The following PTPRN2 variants were observed in gnomAD, a reference collection of about 807,000 sequenced individuals.
PTPRN2 encodes the protein protein tyrosine phosphatase receptor type N2.
A neutral mutation model predicts 118.8 loss-of-function variants in PTPRN2; 74 were observed. That is an observed-to-expected ratio of 0.62 (90% CI 0.52 to 0.76). The LOEUF (loss-of-function observed/expected upper bound fraction) is 0.76, where lower values mean the gene tolerates loss of function less well. Among genes scored for constraint, PTPRN2 ranks in the 30% least tolerant of loss-of-function variants. PTPRN2 has a pLI of 0.00. For missense variants in PTPRN2, 1,481 were observed against 1,394.4 expected (o/e 1.06, Z -0.99); for synonymous variants, 641 against 608.0 (o/e 1.05, Z -0.80).
At chr7:158,341,339 A>C (rs1378484667) in intron 2 of PTPRN2, among the ~76,000 whole-genome samples, 12 of 150,460 alleles carry the variant, frequency 8.0e-5, no homozygotes, top group African/African-American at 2.5e-4. Flanking sequence ...TCACACCCAC[A>C]CTCTCACCAT....
intron 11 of PTPRN2, among the ~76,000 whole-genome samples, chr7:158,006,591 A>T (rs1418173396): frequency 6.6e-6 from 1 of 152,012 alleles, no homozygotes; most frequent in African/African-American, 2.4e-5. Context: ...CCACAACCTC[A>T]TTTCTTTGCA....
intron 1 of PTPRN2, chr7:158,539,421 G>C (rs1825841110): frequency 1.3e-5 from 2 of 152,314 alleles, no homozygotes; most frequent in Non-Finnish European, 2.9e-5. Flanking sequence ...AGAAATGCAT[G>C]CAAGTGGCTC....
chr7:157,753,494 G>A (rs898964495), intron 12 of PTPRN2, among the ~76,000 whole-genome samples: 5 of 152,236 alleles, frequency 3.3e-5, no homozygotes, highest in African/African-American at 7.2e-5. Flanking sequence ...TTCTCCTCCC[G>A]TCTGGGCCTC....
chr7:158,297,324 A>G (rs964807161), intron 3 of PTPRN2, among the ~76,000 whole-genome samples: 3 of 152,242 alleles, frequency 2.0e-5, no homozygotes, highest in African/African-American at 2.4e-5. Flanking sequence ...TCTGAAATGT[A>G]CCAGAGAAAC....
chr7:158,200,257 G>A (rs1003259315), intron 4 of PTPRN2, among the ~76,000 whole-genome samples: 3 of 152,180 alleles, frequency 2.0e-5, no homozygotes, highest in African/African-American at 7.2e-5. Context: ...CAAAAACAAA[G>A]AGGAAGCAGG....
intron 14 of PTPRN2, among the ~76,000 whole-genome samples, chr7:157,650,531 G>A (rs1805582097): frequency 6.6e-6 from 1 of 152,182 alleles, no homozygotes; most frequent in African/African-American, 2.4e-5. Flanking sequence ...AGGCCTCCGC[G>A]CCAGCACCCG....
At chr7:158,123,579 C>A (rs2150399574) in intron 9 of PTPRN2, among the ~76,000 whole-genome samples, 1 of 152,318 alleles carries the variant, frequency 6.6e-6, no homozygotes, top group South Asian at 2.1e-4. Flanking sequence ...GTGCCGCACC[C>A]AGGCCAACGA....
intron 12 of PTPRN2, among the ~76,000 whole-genome samples, chr7:157,770,951 G>A (rs562291061): frequency 1.2e-4 from 18 of 152,350 alleles, no homozygotes; most frequent in African/African-American, 4.3e-4. Context: ...TGCGGGGGCT[G>A]TGGGCCCGCT....
chr7:158,337,474 A>G (rs1325552065), intron 2 of PTPRN2, among the ~76,000 whole-genome samples: 3 of 144,750 alleles, frequency 2.1e-5, no homozygotes, highest in East Asian at 4.2e-4. Flanking sequence ...CACTCTCACC[A>G]TAAGAGGTGA....
intron 17 of PTPRN2, among the ~76,000 whole-genome samples, chr7:157,579,905 G>A (rs1057416296): frequency 5.3e-5 from 8 of 152,140 alleles, no homozygotes; most frequent in Non-Finnish European, 1.2e-4. Flanking sequence ...CCTTTGAATC[G>A]GTACAAAGCA....
At chr7:157,753,585 A>G (rs1801610065) in intron 12 of PTPRN2, among the ~76,000 whole-genome samples, 1 of 151,442 alleles carries the variant, frequency 6.6e-6, no homozygotes, top group African/African-American at 2.4e-5. Context: ...CACCTCTGAA[A>G]ATGTCCATGT....
intron 2 of PTPRN2, among the ~76,000 whole-genome samples, chr7:158,347,539 T>A (rs1424861936): frequency 6.6e-6 from 1 of 152,250 alleles, no homozygotes; most frequent in Non-Finnish European, 1.5e-5. Context: ...GGTGGTGTGA[T>A]GCATCCAGCT....
chr7:157,811,053 C>T (rs142627395), intron 12 of PTPRN2, among the ~76,000 whole-genome samples: 3,138 of 151,918 alleles, frequency 0.021, 49 homozygotes, highest in Non-Finnish European at 0.028. Context: ...AGGCGGATCA[C>T]GAAGTCAGGA....
At chr7:158,055,632 T>TA (rs1262942157) in intron 11 of PTPRN2, among the ~76,000 whole-genome samples, 2 of 152,236 alleles carry the variant, frequency 1.3e-5, no homozygotes, top group Non-Finnish European at 2.9e-5. Flanking sequence ...AAAAGTCTGA[T>TA]ATGCAGAAAT....
chr7:158,209,357 AAGAT>A (rs1215165605), intron 3 of PTPRN2, among the ~76,000 whole-genome samples: 1 of 152,230 alleles, frequency 6.6e-6, no homozygotes, highest in Non-Finnish European at 1.5e-5. Flanking sequence ...GGGATGGAAA[AAGAT>A]AATCCGTGCA....
chr7:158,160,479 C>T (rs1822262605), intron 6 of PTPRN2, among the ~76,000 whole-genome samples: 1 of 152,222 alleles, frequency 6.6e-6, no homozygotes, highest in South Asian at 2.1e-4. Flanking sequence ...AGAGTTACAT[C>T]ATCAGCTTCC....
intron 1 of PTPRN2, among the ~76,000 whole-genome samples, chr7:158,505,651 T>C (rs1822689979): frequency 7.1e-6 from 1 of 141,264 alleles, no homozygotes. Context: ...CCCTGGACAG[T>C]GAGAAGAGGG....
At chr7:158,341,304 C>G (rs1806718310) in intron 2 of PTPRN2, among the ~76,000 whole-genome samples, 1 of 150,708 alleles carries the variant, frequency 6.6e-6, no homozygotes, top group South Asian at 2.1e-4. Context: ...CGCCCATAGA[C>G]GTCACTCACA....
At chr7:158,452,447 C>T (rs1016138043) in intron 2 of PTPRN2, among the ~76,000 whole-genome samples, 7 of 152,190 alleles carry the variant, frequency 4.6e-5, no homozygotes, top group Admixed American at 2.0e-4. Flanking sequence ...CCGGGTTCAC[C>T]GTCGCCAGGC....
Sources: gnomAD v4.1 joint callset for allele counts (sites outside exome capture counted in the v4.1 genomes callset) on GRCh38, gnomAD v4.1.1 for gene constraint, MANE v1.5 for transcripts, NCBI Gene and HGNC (gene_info 2026-07-23, HGNC 2026-07-21) for gene names.